The following RASAL1 variants were observed in gnomAD, a reference collection of about 807,000 sequenced individuals.
RASAL1 encodes RAS protein activator like 1, also known as rasGAP-activating-like protein 1.
A neutral mutation model predicts 96.6 loss-of-function variants in RASAL1; 72 were observed. The ratio of observed to expected loss-of-function variants is 0.75; its 90% CI spans 0.62 to 0.91. RASAL1 has a LOEUF of 0.91. Among genes scored for constraint, RASAL1 ranks in the 40% least tolerant of loss-of-function variants. The probability of loss-of-function intolerance (pLI) is 0.00; values close to 1 mark genes in which losing one functional copy is unlikely to be tolerated. For synonymous variants in RASAL1, 405 were observed against 430.4 expected (o/e 0.94, Z 0.73); for missense variants, 1,016 against 1,072.5 (o/e 0.95, Z 0.74).
At chr12:113,127,911 G>A (rs769955878) in intron 3 of RASAL1, 38 bp from the exon 4 acceptor site, 1 of 1,604,366 alleles carries the variant, frequency 6.2e-7, no homozygotes, top group Non-Finnish European at 8.5e-7. Context: ...TGAGTCAGGG[G>A]CCCCTTTGCC....
At chr12:113,124,875 G>A (rs1370208626) in intron 4 of RASAL1, among the ~76,000 whole-genome samples, 2 of 152,252 alleles carry the variant, frequency 1.3e-5, no homozygotes, top group African/African-American at 4.8e-5. Flanking sequence ...TAACAGTCAT[G>A]TAGACAAAAA....
intron 1 of RASAL1, among the ~76,000 whole-genome samples, chr12:113,133,906 A>G (rs768938469): frequency 1.3e-5 from 2 of 152,222 alleles, no homozygotes; most frequent in Non-Finnish European, 2.9e-5. Context: ...CCTTCTCCAG[A>G]AGAGCAGCAG....
Position 113,107,123 on chromosome 12 carries a change from C to G in RASAL1, c.1631G>C (p.Arg544Pro), listed in dbSNP as rs769177666. 5.0e-6 allele frequency: 8 copies of G among 1,613,092 alleles called. No individual in the cohort carries two copies. The highest frequency in any genetic ancestry group is 5.9e-6 in the Non-Finnish European group (7 of 1,179,412). Residue 544 changes from arginine (R) to proline (P), a missense_variant, in exon 15 of 21, where the codon CGG becomes CCG. Transcript: ENST00000548055. ...TTCATCCCCATCCACATCCACCAGC[C>G]GGTCCAGGAAGTCTCTCACACGTGA... ...CVSRVRDFLD[R>P]LVDVDGDEEA... is the part of the protein sequence containing the mutation.
intron 1 of RASAL1, among the ~76,000 whole-genome samples, chr12:113,133,476 G>A (rs927056928): frequency 6.6e-6 from 1 of 152,194 alleles, no homozygotes; most frequent in Non-Finnish European, 1.5e-5. Flanking sequence ...GAAGTGTTAA[G>A]CACAGGGCCT....
intron 14 of RASAL1, chr12:113,107,600 G>A: frequency 2.2e-6 from 1 of 458,154 alleles, no homozygotes; most frequent in Non-Finnish European, 4.3e-6. Flanking sequence ...TCCAGCCTGG[G>A]TGACAGAGCG....
chr12:113,125,131 GTGTGTGTT>G (rs754509503), intron 4 of RASAL1, among the ~76,000 whole-genome samples: 35 of 151,796 alleles, frequency 2.3e-4, no homozygotes, highest in Admixed American at 5.2e-4. Flanking sequence ...ACATATATGT[GTGTGTGTT>G]TGTGTATGTA....
chr12:113,112,411 A>C, intron 12 of RASAL1, 133 bp from the exon 13 acceptor site: 1 of 616,702 alleles, frequency 1.6e-6, no homozygotes, highest in Non-Finnish European at 2.4e-6. Context: ...GCCCCTTCCC[A>C]CCGGGTTTCT....
At chr12:113,107,345 G>T in intron 14 of RASAL1, 104 bp from the exon 15 acceptor site, 2 of 1,325,236 alleles carry the variant, frequency 1.5e-6, no homozygotes. Context: ...TCATATTGCC[G>T]GGCACAGTGG....
At chr12:113,123,648 A>G (rs1458588921) in intron 4 of RASAL1, among the ~76,000 whole-genome samples, 4 of 152,244 alleles carry the variant, frequency 2.6e-5, no homozygotes, top group Middle Eastern at 3.4e-3. Flanking sequence ...CAATGGTGCA[A>G]TCTTGGCTCA....
intron 13 of RASAL1, 110 bp from the exon 14 acceptor site, chr12:113,108,332 G>T: frequency 7.6e-7 from 1 of 1,308,070 alleles, no homozygotes; most frequent in Non-Finnish European, 1.0e-6. Flanking sequence ...GTAGGATGGG[G>T]AATTGACCAG....
intron 8 of RASAL1, 40 bp from the exon 9 acceptor site, chr12:113,116,091 C>A (rs144170305): frequency 2.0e-6 from 3 of 1,498,184 alleles, no homozygotes; most frequent in South Asian, 1.3e-5. Context: ...AAGATCTGGC[C>A]GAACACGATG....
At chr12:113,121,829 C>T (rs530322863) in intron 4 of RASAL1, among the ~76,000 whole-genome samples, 191 bp from the exon 5 acceptor site, 1 of 151,890 alleles carries the variant, frequency 6.6e-6, no homozygotes, top group South Asian at 2.1e-4. Context: ...TCAAGCGATT[C>T]TCCTGCCTCA....
rs373894554 is a variant in RASAL1, at chr12:113,115,623, C to A, written c.1003+12G>T. 2 of 1,611,100 alleles carry A rather than the reference C, an allele frequency of 1.2e-6. No individual in the cohort carries two copies. Among genetic ancestry groups the A allele is most frequent in the African/African-American group, 1.3e-5 (1 of 74,972 alleles). Reference sequence around the variant, plus strand: ...GAGGGCGGTGATGTCGGGGGTTGTGCGGGCAACTCACTGGTCCGAGCCACC... The same window carrying A: ...GAGGGCGGTGATGTCGGGGGTTGTGAGGGCAACTCACTGGTCCGAGCCACC... On this transcript the variant is annotated intron_variant, in intron 10 of 20. Coordinates refer to ENST00000548055, the MANE Select transcript of RASAL1 (RefSeq NM_001301202.2). The surrounding 1 kb of genome is among the most constrained non-coding windows in gnomAD (Gnocchi z 4.1).
intron 7 of RASAL1, among the ~76,000 whole-genome samples, chr12:113,117,604 T>C (rs1951136727): frequency 6.6e-6 from 1 of 152,188 alleles, no homozygotes; most frequent in Non-Finnish European, 1.5e-5. Flanking sequence ...ATTCACCTTT[T>C]AAAAGTGTAC....
chr12:113,136,391 G>A (rs1951915975), upstream of RASAL1, among the ~76,000 whole-genome samples: 2 of 152,196 alleles, frequency 1.3e-5, no homozygotes, highest in African/African-American at 2.4e-5. Context: ...GCCAGGCACT[G>A]TTCTAAGCGC....
chr12:113,104,514 A>T (rs954914352), intron 16 of RASAL1, among the ~76,000 whole-genome samples: 108 of 151,886 alleles, frequency 7.1e-4, no homozygotes, highest in African/African-American at 2.5e-3. Context: ...TTATTTATTT[A>T]TTTTTTTAAC....
intron 7 of RASAL1, among the ~76,000 whole-genome samples, chr12:113,118,523 A>C (rs1951170983): frequency 6.6e-6 from 1 of 152,224 alleles, no homozygotes. Flanking sequence ...TATGTACCTA[A>C]GAGTGGAATT....
At position 113,112,294 on chromosome 12, in the gene RASAL1, G is replaced by T; in HGVS notation, c.1182-16C>A. ...GGAGATCCTCCTGGAGGGGCCGGCG[G>T]AGCAGCTCAGCCTCGGGGCACAACA... is the stretch of plus-strand genomic sequence containing the variant. On this transcript the variant is annotated splice_polypyrimidine_tract_variant and intron_variant, in intron 12 of 20. Transcript: ENST00000548055. 2 of 1,252,962 alleles carry T rather than the reference G, an allele frequency of 1.6e-6. No homozygotes were observed. The highest frequency in any genetic ancestry group is 1.0e-6 in the Non-Finnish European group (1 of 990,404). The allele number at this position is 1,252,962 out of a possible 1,614,324, so 77.6% of individuals were successfully genotyped here. A position where few individuals can be genotyped will look rare whatever the true frequency, so the allele number is the denominator to read the frequency against.
At chr12:113,123,584 T>C (rs1346289248) in intron 4 of RASAL1, among the ~76,000 whole-genome samples, 2 of 152,184 alleles carry the variant, frequency 1.3e-5, no homozygotes, top group African/African-American at 2.4e-5. Flanking sequence ...TTTTAGCTAA[T>C]GGTTTTTGTT....
Sources: gnomAD v4.1 joint callset for allele counts (sites outside exome capture counted in the v4.1 genomes callset) on GRCh38, gnomAD v4.1.1 for gene constraint, Gnocchi (gnomAD v3.1) non-coding constraint, MANE v1.5 for transcripts, NCBI Gene and HGNC (gene_info 2026-07-23, HGNC 2026-07-21) for gene names.